The following CHIC2 variants were observed in gnomAD, a reference collection of about 807,000 sequenced individuals.
The protein encoded by CHIC2 is cysteine-rich hydrophobic domain-containing protein 2.
Under a neutral mutation model 25.9 loss-of-function variants are expected in CHIC2, and 14 were observed. The observed-to-expected ratio is 0.54, with a 90% CI of 0.36 to 0.85. The LOEUF (loss-of-function observed/expected upper bound fraction) is 0.85, where lower values mean the gene tolerates loss of function less well. Ranked by LOEUF, CHIC2 falls within the 40% of genes least tolerant of loss-of-function variation. The probability of loss-of-function intolerance (pLI) is 0.01; values close to 1 mark genes in which losing one functional copy is unlikely to be tolerated. For synonymous variants in CHIC2, 70 were observed against 72.0 expected, an observed-to-expected ratio of 0.97 and a Z score of 0.14; for missense variants, 146 against 202.0, an observed-to-expected ratio of 0.72 and a Z score of 1.68.
intron 1 of CHIC2, chr4:54,059,476 G>A (rs1227608752): frequency 6.6e-6 from 1 of 151,864 alleles, no homozygotes; most frequent in South Asian, 2.1e-4. Flanking sequence ...AGGAGGTCAA[G>A]GCCACAGTAG....
chr4:54,080,196 A>G, the CHIC2 span, among the ~76,000 whole-genome samples: 30 of 149,034 alleles, frequency 2.0e-4, no homozygotes, highest in East Asian at 5.3e-3. Context: ...GTGTATATAT[A>G]TGTGTATATA....
chr4:54,080,176 G>A, the CHIC2 span, among the ~76,000 whole-genome samples: 7 of 130,554 alleles, frequency 5.4e-5, no homozygotes, highest in Non-Finnish European at 5.0e-5. Flanking sequence ...ATATATATGT[G>A]TATATATATG....
At position 54,056,403 on chromosome 4, in the gene CHIC2, T is replaced by G. The variant is rs1352414259; in HGVS notation, c.120-7098A>C. Among the ~76,000 whole-genome samples the G allele has an allele frequency of 5.9e-5, 9 of 152,166 alleles. No individual in the cohort carries two copies. In the East Asian group the frequency reaches 1.7e-3, roughly 29 times the overall value. On this transcript the variant is annotated intron_variant, in intron 1 of 5. Coordinates refer to ENST00000263921, the MANE Select transcript of CHIC2 (RefSeq NM_012110.4). ...AATAATGATGCTAAATTATGTTCAT[T>G]TAAGCAAAATATATGGTTGAATTGA...
At chr4:54,091,326 C>T in the CHIC2 span, among the ~76,000 whole-genome samples, 1 of 152,270 alleles carries the variant, frequency 6.6e-6, no homozygotes, top group African/African-American at 2.4e-5. Flanking sequence ...GCGCCCGTAG[C>T]GCACCCCACC....
chr4:54,010,848 C>T (rs28451345), intron 5 of CHIC2, among the ~76,000 whole-genome samples: 9,465 of 152,000 alleles, frequency 0.062, 996 homozygotes, highest in African/African-American at 0.21. Context: ...ATAAAAGGTC[C>T]TTTATCTCTT....
chr4:54,044,603 A>G lies in CHIC2; in HGVS notation c.330+4352T>C, dbSNP rs9760944. On this transcript the variant is annotated intron_variant, in intron 3 of 5. Coordinates refer to ENST00000263921, the MANE Select transcript of CHIC2 (RefSeq NM_012110.4). The stretch of plus-strand genomic sequence containing the variant: ...AAAGATGTCCTTTGAAACCAATGAG[A>G]ACAAAGACACAACATACCAGAATCT... 6.0e-3 allele frequency among the ~76,000 whole-genome samples: 909 copies of G among 152,188 alleles called. 11 individuals are homozygous for G. Among genetic ancestry groups the G allele is most frequent in the African/African-American group, 0.02 (818 of 41,478 alleles).
At chr4:54,027,486 C>T (rs1046033088) in intron 3 of CHIC2, among the ~76,000 whole-genome samples, 2 of 152,064 alleles carry the variant, frequency 1.3e-5, no homozygotes, top group Non-Finnish European at 2.9e-5. Context: ...GTTTCAAGGC[C>T]AAAGCATTCT....
At chr4:54,067,146 C>T (rs991795490), upstream of CHIC2, among the ~76,000 whole-genome samples, 4 of 152,238 alleles carry the variant, frequency 2.6e-5, no homozygotes, top group African/African-American at 9.6e-5. Context: ...GAACCTCACT[C>T]TTATCTTCAC....
Position 54,051,953 on chromosome 4 carries a change from C to T in CHIC2, c.120-2648G>A, listed in dbSNP as rs145443333. 3.1e-3 allele frequency among the ~76,000 whole-genome samples: 475 copies of T among 152,322 alleles called. 5 individuals are homozygous for T. The highest frequency in any genetic ancestry group is 0.011 in the African/African-American group (459 of 41,582). ...ACAATCCAGGCTTTCCTACACACTT[C>T]TTTACTAATAAGACTGTTCTCATCA... is the stretch of plus-strand genomic sequence containing the variant. On this transcript the variant is annotated intron_variant, in intron 1 of 5. Coordinates refer to ENST00000263921, the MANE Select transcript of CHIC2 (RefSeq NM_012110.4).
chr4:54,056,854 C>T (rs1717192297), intron 1 of CHIC2, among the ~76,000 whole-genome samples: 1 of 152,144 alleles, frequency 6.6e-6, no homozygotes, highest in African/African-American at 2.4e-5. Context: ...TGAGGGCTGT[C>T]ACATACTACA....
At chr4:54,028,222 A>G (rs1716120152) in intron 3 of CHIC2, among the ~76,000 whole-genome samples, 1 of 152,226 alleles carries the variant, frequency 6.6e-6, no homozygotes, top group African/African-American at 2.4e-5. Flanking sequence ...ATAGGCCTGA[A>G]TTTCCTAACT....
At chr4:54,038,428 T>A (rs564459801) in intron 3 of CHIC2, among the ~76,000 whole-genome samples, 6 of 152,070 alleles carry the variant, frequency 3.9e-5, no homozygotes, top group African/African-American at 7.2e-5. Flanking sequence ...ATGAGCATAA[T>A]CTATATGCTA....
chr4:54,086,744 C>A, the CHIC2 span, among the ~76,000 whole-genome samples: 57 of 152,148 alleles, frequency 3.7e-4, 1 homozygote, highest in Non-Finnish European at 2.9e-5. Flanking sequence ...GCTAAGTTTG[C>A]TGTACAGTAA....
chr4:54,042,216 C>T (rs545132816), intron 3 of CHIC2, among the ~76,000 whole-genome samples: 1 of 152,076 alleles, frequency 6.6e-6, no homozygotes, highest in Non-Finnish European at 1.5e-5. Context: ...GATAGTACTC[C>T]ATATAAAATT....
intron 3 of CHIC2, among the ~76,000 whole-genome samples, chr4:54,031,172 G>A (rs1384719537): frequency 3.9e-5 from 5 of 128,726 alleles, no homozygotes; most frequent in African/African-American, 1.6e-4. Flanking sequence ...CAGATTAAAA[G>A]GAAAGGAAAA....
At chr4:54,053,858 T>C (rs1717086029) in intron 1 of CHIC2, among the ~76,000 whole-genome samples, 1 of 152,152 alleles carries the variant, frequency 6.6e-6, no homozygotes, top group South Asian at 2.1e-4. Context: ...TGGCGTGGTC[T>C]CATCTCACTG....
At chr4:54,046,142 A>C (rs947719864) in intron 3 of CHIC2, among the ~76,000 whole-genome samples, 1 of 152,212 alleles carries the variant, frequency 6.6e-6, no homozygotes, top group African/African-American at 2.4e-5. Context: ...TGCTCAAGGA[A>C]ATAAAAAAGG....
At chr4:54,032,552 T>G (rs890674999) in intron 3 of CHIC2, among the ~76,000 whole-genome samples, 5 of 151,904 alleles carry the variant, frequency 3.3e-5, no homozygotes, top group African/African-American at 1.2e-4. Context: ...GCAGACGGAG[T>G]CTTGTTCAAA....
chr4:54,030,705 T>C (rs1716204123), intron 3 of CHIC2, among the ~76,000 whole-genome samples: 1 of 149,470 alleles, frequency 6.7e-6, no homozygotes, highest in East Asian at 1.9e-4. Context: ...TTTGCTCTTG[T>C]TGCCCAGGCT....
Sources: gnomAD v4.1 joint callset for allele counts (sites outside exome capture counted in the v4.1 genomes callset) on GRCh38, gnomAD v4.1.1 for gene constraint, MANE v1.5 for transcripts, NCBI Gene and HGNC (gene_info 2026-07-23, HGNC 2026-07-21) for gene names.